Variants in CDYL observed in about 807,000 individuals in gnomAD.
CDYL encodes chromodomain Y like.
In CDYL, 8 loss-of-function variants were observed where a neutral mutation model predicts 47.3. The observed-to-expected ratio is 0.17, with a 90% CI of 0.10 to 0.31. The LOEUF is 0.31. Ranked by LOEUF, CDYL falls within the 10% of genes least tolerant of loss-of-function variation. CDYL has a pLI of 1.00. For missense variants in CDYL, 471 were observed against 701.4 expected, an observed-to-expected ratio of 0.67 and a Z score of 3.71; for synonymous variants, 266 against 265.0, an observed-to-expected ratio of 1.00 and a Z score of -0.04.
chr6:4,831,173 T>G (rs1010193398), intron 1 of CDYL, among the ~76,000 whole-genome samples: 2 of 152,170 alleles, frequency 1.3e-5, no homozygotes, highest in African/African-American at 4.8e-5. Context: ...CCTGAGGAAT[T>G]AATGCCTAGG....
chr6:4,932,038 A>T (rs1287177910), intron 2 of CDYL, among the ~76,000 whole-genome samples: 1 of 152,184 alleles, frequency 6.6e-6, no homozygotes, highest in Non-Finnish European at 1.5e-5. Context: ...GGGAGAGTTT[A>T]AGGAATGTGT....
intron 1 of CDYL, among the ~76,000 whole-genome samples, chr6:4,713,423 T>C (rs939070335): frequency 6.6e-6 from 1 of 152,148 alleles, no homozygotes; most frequent in African/African-American, 2.4e-5. Context: ...CTCTGCTCTT[T>C]GTCAGGGCTC....
chr6:4,800,253 A>G (rs1190775293), intron 1 of CDYL, among the ~76,000 whole-genome samples: 2 of 152,050 alleles, frequency 1.3e-5, no homozygotes, highest in Non-Finnish European at 2.9e-5. Flanking sequence ...TTTTGTGTTA[A>G]CCAAAATTTC....
intron 1 of CDYL, among the ~76,000 whole-genome samples, chr6:4,824,916 G>T (rs1759936899): frequency 6.6e-6 from 1 of 151,940 alleles, no homozygotes; most frequent in Non-Finnish European, 1.5e-5. Flanking sequence ...TGTTGCCCAG[G>T]CTGGAGTGTG....
intron 2 of CDYL, among the ~76,000 whole-genome samples, chr6:4,718,892 C>A (rs1757319307): frequency 6.6e-6 from 1 of 150,744 alleles, no homozygotes; most frequent in Non-Finnish European, 1.5e-5. Context: ...TATTGATAGA[C>A]ATTCAGGTTA....
chr6:4,760,042 A>C (rs1299148810), intron 3 of CDYL, among the ~76,000 whole-genome samples: 1 of 151,888 alleles, frequency 6.6e-6, no homozygotes, highest in Non-Finnish European at 1.5e-5. Context: ...TCTCAAAAGC[A>C]AGTCTGTTGT....
At chr6:4,914,912 C>T (rs1249562354) in intron 2 of CDYL, among the ~76,000 whole-genome samples, 2 of 152,148 alleles carry the variant, frequency 1.3e-5, no homozygotes, top group African/African-American at 4.8e-5. Flanking sequence ...AGGGATGAGT[C>T]GGTGCAAGTG....
chr6:4,838,332 A>G (rs1033095489), intron 1 of CDYL, among the ~76,000 whole-genome samples: 11 of 151,542 alleles, frequency 7.3e-5, no homozygotes, highest in African/African-American at 1.2e-4. Flanking sequence ...CCAAGCCTCA[A>G]AGTCCATTGT....
intron 1 of CDYL, among the ~76,000 whole-genome samples, chr6:4,781,218 ATCTT>A (rs1425148316): frequency 6.6e-6 from 1 of 152,186 alleles, no homozygotes. Flanking sequence ...GGTCTTTTGA[ATCTT>A]TCTTCCTACT....
At chr6:4,782,092 G>A (rs972691518) in intron 1 of CDYL, among the ~76,000 whole-genome samples, 2 of 152,018 alleles carry the variant, frequency 1.3e-5, no homozygotes, top group South Asian at 4.2e-4. Flanking sequence ...TCTGCCTGGC[G>A]GAAGAGGAGC....
At position 4,862,149 on chromosome 6, in the gene CDYL, C is replaced by T. The variant is rs540513539; in HGVS notation, c.25-29564C>T. On this transcript the variant is annotated intron_variant, in intron 1 of 6. Coordinates refer to ENST00000397588, the MANE Select transcript of CDYL (RefSeq NM_004824.4). The stretch of plus-strand genomic sequence containing the variant: ...GTTCTGTTGCTGTTTTAACGTCCTA[C>T]GTAAATAAACAAAACACCCTAGAAT... Among the ~76,000 whole-genome samples, 24 of 152,266 alleles carry T rather than the reference C, an allele frequency of 1.6e-4. No homozygotes were observed. In the South Asian group the frequency reaches 2.3e-3, roughly 14 times the overall value.
At chr6:4,850,524 GT>G (rs1304347293) in intron 1 of CDYL, among the ~76,000 whole-genome samples, 1 of 152,112 alleles carries the variant, frequency 6.6e-6, no homozygotes, top group African/African-American at 2.4e-5. Context: ...TATTCTATAA[GT>G]TTCTTAATTT....
intron 1 of CDYL, among the ~76,000 whole-genome samples, chr6:4,857,133 G>A (rs1364510295): frequency 6.6e-6 from 1 of 152,132 alleles, no homozygotes; most frequent in African/African-American, 2.4e-5. Context: ...TGTAAAAATT[G>A]AGTTTTTTAA....
chr6:4,909,824 C>T (rs1434313925), intron 2 of CDYL, among the ~76,000 whole-genome samples: 1 of 151,836 alleles, frequency 6.6e-6, no homozygotes, highest in Non-Finnish European at 1.5e-5. Flanking sequence ...TCTGCCTTCT[C>T]GGCCTCCCAA....
In CDYL at chr6:4,751,733, C is replaced by T. The variant is rs576374581; in HGVS notation, c.186+16889C>T. On this transcript the variant is annotated intron_variant, in intron 3 of 8. Transcript: ENST00000328908. ...GTTTTTAACTCTAGCCAGTCAATTT[C>T]GTTTTTAAAACTTCTCCCAGGAGAA... Among the ~76,000 whole-genome samples, 17 of 152,316 alleles carry T rather than the reference C, an allele frequency of 1.1e-4. 1 individual carries two copies. Among genetic ancestry groups the T allele is most frequent in the African/African-American group, 3.1e-4 (13 of 41,568 alleles).
intron 1 of CDYL, among the ~76,000 whole-genome samples, chr6:4,850,119 A>G (rs1228076803): frequency 1.3e-5 from 2 of 152,258 alleles, no homozygotes; most frequent in Non-Finnish European, 2.9e-5. Flanking sequence ...CAAGGGCCTT[A>G]TAATTGCACA....
upstream of CDYL, chr6:4,776,384 G>A (rs1363593562): frequency 6.9e-6 from 1 of 145,518 alleles, no homozygotes; most frequent in Non-Finnish European, 1.5e-5. Context: ...GGCATGCTCA[G>A]TAGCCGGGGC....
At chr6:4,783,441 C>T (rs997119845) in intron 1 of CDYL, among the ~76,000 whole-genome samples, 2 of 138,980 alleles carry the variant, frequency 1.4e-5, no homozygotes. Flanking sequence ...TTTGAGGTGG[C>T]GTTTCACTCT....
chr6:4,952,700 G>A (rs767379793), intron 6 of CDYL, among the ~76,000 whole-genome samples: 2 of 152,108 alleles, frequency 1.3e-5, no homozygotes, highest in Non-Finnish European at 2.9e-5. Context: ...TTCTTTACTG[G>A]TTCCAAAGCC....
Sources: gnomAD v4.1 joint callset for allele counts (sites outside exome capture counted in the v4.1 genomes callset) on GRCh38, gnomAD v4.1.1 for gene constraint, MANE v1.5 for transcripts, NCBI Gene and HGNC (gene_info 2026-07-23, HGNC 2026-07-21) for gene names.